GTF2H1: variants seen among roughly 807,000 people sequenced by gnomAD.
GTF2H1 encodes general transcription factor IIH subunit 1, also known as BTF2 p62.
GTF2H1 carries 16 observed loss-of-function variants against 71.2 expected under a neutral mutation model. The ratio of observed to expected loss-of-function variants is 0.22; its 90% CI spans 0.15 to 0.34. The LOEUF (loss-of-function observed/expected upper bound fraction) is 0.34. Among genes scored for constraint, GTF2H1 ranks in the 10% least tolerant of loss-of-function variants. GTF2H1 has a pLI of 1.00. For missense variants in GTF2H1, 498 were observed against 648.2 expected (o/e 0.77, Z 2.52); for synonymous variants, 215 against 219.0 (o/e 0.98, Z 0.16).
At chr11:18,347,773 T>G in intron 8 of GTF2H1, 58 bp downstream of exon 8, 2 of 1,597,358 alleles carry the variant, frequency 1.3e-6, no homozygotes, top group Non-Finnish European at 1.7e-6. Flanking sequence ...CAGATGGAGT[T>G]GTGGTGTTGT....
At chr11:18,360,993 CG>C (rs369062008) in intron 14 of GTF2H1, among the ~76,000 whole-genome samples, 68 of 151,682 alleles carry the variant, frequency 4.5e-4, no homozygotes, top group African/African-American at 1.6e-3. Context: ...TTAGTAGAGA[CG>C]GGGTTTCACC....
At chr11:18,337,438 C>G (rs1287870937) in intron 3 of GTF2H1, among the ~76,000 whole-genome samples, 1 of 151,870 alleles carries the variant, frequency 6.6e-6, no homozygotes. Context: ...GAGCGAGACT[C>G]CATCTCAAAA....
Position 18,333,188 on chromosome 11 carries a change from A to G in GTF2H1, c.114A>G (p.Lys38=). 2.5e-6 allele frequency: 4 copies of G among 1,613,748 alleles called. No homozygotes were observed. The highest frequency in any genetic ancestry group is 3.4e-6 in the Non-Finnish European group (4 of 1,179,764). ...AERIAWAPEG[K]DRFTISHMYA... ...GAATTGCTTGGGCACCTGAAGGCAA[A>G]GATAGATTTACAATCAGCCATATGT... Residue 38 remains lysine, a synonymous_variant, in exon 2 of 15, where the codon AAA becomes AAG. Transcript: ENST00000265963.
At chr11:18,357,411 A>G (rs751952980) in intron 11 of GTF2H1, among the ~76,000 whole-genome samples, 13 of 151,844 alleles carry the variant, frequency 8.6e-5, no homozygotes, top group Non-Finnish European at 1.8e-4. Flanking sequence ...CCACTCTGTT[A>G]TCAAGGGTAT....
chr11:18,353,331 T>A (rs1196658083), intron 11 of GTF2H1, among the ~76,000 whole-genome samples: 1 of 152,212 alleles, frequency 6.6e-6, no homozygotes, highest in Non-Finnish European at 1.5e-5. Context: ...TCTGAGTGCC[T>A]TTGTCTGGCC....
At chr11:18,355,578 T>C (rs1475114487) in intron 11 of GTF2H1, among the ~76,000 whole-genome samples, 1 of 152,092 alleles carries the variant, frequency 6.6e-6, no homozygotes, top group Non-Finnish European at 1.5e-5. Flanking sequence ...CAATCTCGGC[T>C]CACTGCAGCC....
chr11:18,353,332 TTGTC>T (rs1341201782), intron 11 of GTF2H1, among the ~76,000 whole-genome samples: 1 of 152,228 alleles, frequency 6.6e-6, no homozygotes, highest in East Asian at 1.9e-4. Flanking sequence ...CTGAGTGCCT[TTGTC>T]TGGCCTGCAA....
chr11:18,348,060 A>G (rs1341895288), intron 9 of GTF2H1, 141 bp downstream of exon 9: 1 of 690,812 alleles, frequency 1.4e-6, no homozygotes, highest in Non-Finnish European at 2.6e-6. Flanking sequence ...AGTGTATAGC[A>G]TTACAAAGAG....
At position 18,357,957 on chromosome 11, in the gene GTF2H1, C is replaced by G; in HGVS notation, c.1266C>G (p.Leu422=). The stretch of plus-strand genomic sequence containing the variant: ...TGCATCTTCATTTTTTTCAGGTTCT[C>G]TCAAGTAGTGCTGCCAGTAGTACCA... ...EAYTPKLTQV[L]SSSAASSTIT... Residue 422 remains leucine, a synonymous_variant, in exon 12 of 15, where the codon CTC becomes CTG. Transcript: ENST00000265963. 1 of 1,603,166 alleles carries G rather than the reference C, an allele frequency of 6.2e-7. No homozygotes were observed. The highest frequency in any genetic ancestry group is 8.5e-7 in the Non-Finnish European group (1 of 1,170,622).
intron 2 of GTF2H1, among the ~76,000 whole-genome samples, chr11:18,334,628 A>T (rs916959730): frequency 1.3e-5 from 2 of 152,220 alleles, no homozygotes; most frequent in African/African-American, 4.8e-5. Context: ...GTGCATACCC[A>T]AAACTAGATT....
intron 13 of GTF2H1, among the ~76,000 whole-genome samples, chr11:18,360,364 G>A (rs531557343): frequency 2.6e-5 from 4 of 151,978 alleles, no homozygotes; most frequent in African/African-American, 9.6e-5. Flanking sequence ...CTTGTGTTCC[G>A]CCCACCTCGG....
At chr11:18,336,098 T>G in intron 3 of GTF2H1, 152 bp downstream of exon 3, 1 of 615,846 alleles carries the variant, frequency 1.6e-6, no homozygotes, top group Non-Finnish European at 2.8e-6. Flanking sequence ...TTTGTTTGTT[T>G]GTTTTGGTGG....
chr11:18,330,480 C>G (rs1864868869), intron 1 of GTF2H1, among the ~76,000 whole-genome samples: 2 of 152,198 alleles, frequency 1.3e-5, no homozygotes, highest in African/African-American at 4.8e-5. Flanking sequence ...AAGAGGGCTA[C>G]ATGAAGTACT....
intron 11 of GTF2H1, among the ~76,000 whole-genome samples, chr11:18,356,313 G>A (rs985127251): frequency 3.3e-5 from 5 of 150,964 alleles, no homozygotes; most frequent in Non-Finnish European, 7.4e-5. Flanking sequence ...GGGAGGCGGA[G>A]GTTGCAGTGA....
intron 3 of GTF2H1, among the ~76,000 whole-genome samples, chr11:18,337,572 C>G (rs1215465470): frequency 6.6e-6 from 1 of 152,120 alleles, no homozygotes; most frequent in Admixed American, 6.5e-5. Context: ...TCCACAGATT[C>G]AACCAACTTT....
rs1265588680 is a variant in GTF2H1 at position 18,338,570 on chromosome 11, A to G, written c.513+296A>G. ...GCGATCCTCCTGCTTCAGCCTCTCA[A>G]GTAGCTGGGACTAGAGGTGTGCACC... On this transcript the variant is annotated intron_variant, in intron 4 of 14. Coordinates refer to ENST00000265963, the MANE Select transcript of GTF2H1 (RefSeq NM_005316.4). Among the ~76,000 whole-genome samples the G allele has an allele frequency of 3.3e-5, 5 of 152,110 alleles. No homozygotes were observed. In the South Asian group the frequency reaches 8.3e-4, roughly 25 times the overall value.
rs186634409 is a variant in GTF2H1, at chr11:18,356,521, G to A, written c.1261-1431G>A. On this transcript the variant is annotated intron_variant, in intron 11 of 14. Coordinates refer to ENST00000265963, the MANE Select transcript of GTF2H1 (RefSeq NM_005316.4). ...TTATTTGACCAATTCTTTCAATGTA[G>A]ACTATAGTTGTCCAGTATCTGGCCC... is the stretch of plus-strand genomic sequence containing the variant. Among the ~76,000 whole-genome samples the A allele has an allele frequency of 2.6e-4, 39 of 152,150 alleles. 1 individual carries two copies. Among genetic ancestry groups the A allele is most frequent in the Admixed American group, 2.4e-3 (37 of 15,274 alleles).
At chr11:18,357,404 C>T (rs1345370508) in intron 11 of GTF2H1, among the ~76,000 whole-genome samples, 3 of 151,676 alleles carry the variant, frequency 2.0e-5, no homozygotes, top group Non-Finnish European at 4.4e-5. Flanking sequence ...TTTTCCCCCA[C>T]TCTGTTATCA....
intron 7 of GTF2H1, among the ~76,000 whole-genome samples, chr11:18,343,993 T>G (rs1170334195): frequency 6.6e-6 from 1 of 151,868 alleles, no homozygotes; most frequent in African/African-American, 2.4e-5. Flanking sequence ...CACACCTGGC[T>G]AATTTTATTT....
Sources: gnomAD v4.1 joint callset for allele counts (sites outside exome capture counted in the v4.1 genomes callset) on GRCh38, gnomAD v4.1.1 for gene constraint, MANE v1.5 for transcripts, NCBI Gene and HGNC (gene_info 2026-07-23, HGNC 2026-07-21) for gene names.